The following CCDC30 variants were observed in gnomAD, a reference collection of about 807,000 sequenced individuals.
The protein encoded by CCDC30 is coiled-coil domain-containing protein 30.
In CCDC30, 70 loss-of-function variants were observed where a neutral mutation model predicts 100.2. The ratio of observed to expected loss-of-function variants is 0.70; its 90% CI spans 0.58 to 0.85. The LOEUF (loss-of-function observed/expected upper bound fraction) is 0.85. Ranked by LOEUF, CCDC30 falls within the 40% of genes least tolerant of loss-of-function variation. The pLI is 0.00. For synonymous variants in CCDC30, 233 were observed against 269.5 expected (o/e 0.86, Z 1.33); for missense variants, 652 against 771.2 (o/e 0.85, Z 1.83).
At chr1:42,645,144 T>C (rs895710435) in intron 14 of CCDC30, among the ~76,000 whole-genome samples, 1 of 152,120 alleles carries the variant, frequency 6.6e-6, no homozygotes, top group African/African-American at 2.4e-5. Flanking sequence ...AAGGAGTGTA[T>C]CTCATATATT....
At chr1:42,619,649 G>T (rs781017391) in intron 11 of CCDC30, among the ~76,000 whole-genome samples, 11 of 152,134 alleles carry the variant, frequency 7.2e-5, no homozygotes, top group Non-Finnish European at 1.3e-4. Context: ...TATTATAGCA[G>T]CCCTCAGAGA....
At chr1:42,503,020 C>G (rs1644344347) in intron 6 of CCDC30, among the ~76,000 whole-genome samples, 1 of 152,106 alleles carries the variant, frequency 6.6e-6, no homozygotes, top group Non-Finnish European at 1.5e-5. Context: ...GTAGCTAGGA[C>G]TATAAATGCG....
At chr1:42,555,954 T>C (rs1328628871) in intron 6 of CCDC30, among the ~76,000 whole-genome samples, 2 of 152,170 alleles carry the variant, frequency 1.3e-5, no homozygotes, top group Non-Finnish European at 2.9e-5. Flanking sequence ...CCTTCCAAAG[T>C]GCTGGGATTA....
At chr1:42,548,026 T>C (rs1171483278) in intron 6 of CCDC30, among the ~76,000 whole-genome samples, 2 of 152,134 alleles carry the variant, frequency 1.3e-5, no homozygotes, top group Admixed American at 6.5e-5. Flanking sequence ...GGAGAATAAT[T>C]TTCAGGGGAG....
intron 7 of CCDC30, among the ~76,000 whole-genome samples, chr1:42,571,621 C>T (rs754251123): frequency 1.6e-3 from 238 of 152,196 alleles, no homozygotes; most frequent in Admixed American, 4.8e-3. Flanking sequence ...ATGAGATAAG[C>T]GTATTACATT....
intron 10 of CCDC30, among the ~76,000 whole-genome samples, chr1:42,603,961 T>C (rs376664390): frequency 1.3e-4 from 20 of 152,342 alleles, no homozygotes; most frequent in African/African-American, 4.3e-4. Context: ...GGCTCACACC[T>C]GTAATTCTAG....
At chr1:42,491,031 A>AAAAT (rs1644131681) in intron 4 of CCDC30, among the ~76,000 whole-genome samples, 2 of 152,264 alleles carry the variant, frequency 1.3e-5, no homozygotes, top group South Asian at 2.1e-4. Context: ...TGACTATTTT[A>AAAAT]ACGGTAACAG....
At chr1:42,460,211 C>A (rs1471304885), upstream of CCDC30, 1 of 1,107,874 alleles carries the variant, frequency 9.0e-7, no homozygotes, top group East Asian at 5.6e-5. Flanking sequence ...TGTCAGCCAT[C>A]TTTATACTAT....
chr1:42,616,040 C>T (rs11807124), intron 11 of CCDC30, among the ~76,000 whole-genome samples: 19,444 of 152,044 alleles, frequency 0.13, 1,432 homozygotes, highest in East Asian at 0.28. Context: ...CTCAGCCTCC[C>T]GAGTAGCTGG....
At chr1:42,587,945 TA>T (rs1035839210) in intron 9 of CCDC30, among the ~76,000 whole-genome samples, 9 of 152,140 alleles carry the variant, frequency 5.9e-5, no homozygotes, top group East Asian at 1.9e-4. Flanking sequence ...AAAAAGGCTT[TA>T]TTAGGGTGCC....
intron 7 of CCDC30, among the ~76,000 whole-genome samples, chr1:42,568,040 G>A (rs1474638237): frequency 2.6e-5 from 4 of 152,152 alleles, no homozygotes; most frequent in Admixed American, 1.3e-4. Flanking sequence ...CTCTTGATTA[G>A]CTCCTTTGGC....
intron 6 of CCDC30, among the ~76,000 whole-genome samples, chr1:42,555,855 A>C (rs540480239): frequency 6.6e-6 from 1 of 152,126 alleles, no homozygotes; most frequent in Admixed American, 6.5e-5. Flanking sequence ...ACACCTGGCT[A>C]ATTTTTGTAC....
intron 4 of CCDC30, chr1:42,492,142 T>A (rs1260108911): frequency 1.6e-5 from 4 of 257,684 alleles, no homozygotes; most frequent in Non-Finnish European, 3.0e-5. Flanking sequence ...TTTCATCTAC[T>A]CTGTTGATTT....
intron 11 of CCDC30, among the ~76,000 whole-genome samples, chr1:42,619,789 T>C (rs939037429): frequency 2.6e-5 from 4 of 152,082 alleles, no homozygotes; most frequent in Non-Finnish European, 5.9e-5. Context: ...TAGATGCAAA[T>C]CCCCGCCCCC....
At chr1:42,604,052 T>TCTCC (rs913211451) in intron 10 of CCDC30, among the ~76,000 whole-genome samples, 10 of 151,752 alleles carry the variant, frequency 6.6e-5, no homozygotes, top group African/African-American at 2.4e-4. Flanking sequence ...AGACCCTGTC[T>TCTCC]CTCCAATTTT....
At chr1:42,569,511 G>A (rs147790501) in intron 7 of CCDC30, among the ~76,000 whole-genome samples, 4 of 152,286 alleles carry the variant, frequency 2.6e-5, no homozygotes, top group East Asian at 3.9e-4. Context: ...AAATAGGAAC[G>A]CTTTTACACT....
At position 42,630,121 on chromosome 1, in the gene CCDC30, T is replaced by C. The variant is rs574594828; in HGVS notation, c.1278-7116T>C. Among the ~76,000 whole-genome samples, 9 of 151,922 alleles carry C rather than the reference T, an allele frequency of 5.9e-5. No individual in the cohort carries two copies. In the South Asian group the frequency reaches 1.9e-3, roughly 32 times the overall value. The stretch of plus-strand genomic sequence containing the variant: ...TCCCAAGTAGCTGGAATTACAGGCA[T>C]GTACCACTACACCCAGCTAATTTTT... On this transcript the variant is annotated intron_variant, in intron 11 of 16. Transcript: ENST00000668663.
intron 6 of CCDC30, among the ~76,000 whole-genome samples, chr1:42,560,605 A>G (rs1017817590): frequency 6.6e-6 from 1 of 152,030 alleles, no homozygotes; most frequent in African/African-American, 2.4e-5. Context: ...ACCTGACCTC[A>G]TGATCCTCCC....
chr1:42,538,501 A>G (rs983834171), intron 6 of CCDC30, among the ~76,000 whole-genome samples: 4 of 151,954 alleles, frequency 2.6e-5, no homozygotes, highest in African/African-American at 9.7e-5. Context: ...AGGCTGAGAC[A>G]GGAGGATGGT....
Sources: gnomAD v4.1 joint callset for allele counts (sites outside exome capture counted in the v4.1 genomes callset) on GRCh38, gnomAD v4.1.1 for gene constraint, MANE v1.5 for transcripts, NCBI Gene and HGNC (gene_info 2026-07-23, HGNC 2026-07-21) for gene names.